Variants in AP1G1 observed in about 807,000 individuals in gnomAD.
AP1G1 encodes adaptor related protein complex 1 subunit gamma 1, also known as AP-1 complex subunit gamma-1.
A neutral mutation model predicts 108.3 loss-of-function variants in AP1G1; 7 were observed. The ratio of observed to expected loss-of-function variants is 0.06; its 90% CI spans 0.04 to 0.12. AP1G1 has a LOEUF of 0.12. AP1G1 is among the 10% of genes least tolerant of loss of function. AP1G1 has a pLI of 1.00. For synonymous variants in AP1G1, 379 were observed against 353.5 expected, an observed-to-expected ratio of 1.07 and a Z score of -0.81; for missense variants, 756 against 1,010.7, an observed-to-expected ratio of 0.75 and a Z score of 3.42.
chr16:71,753,380 A>C (rs1465899189), intron 13 of AP1G1, among the ~76,000 whole-genome samples: 1 of 152,212 alleles, frequency 6.6e-6, no homozygotes, highest in Admixed American at 6.5e-5. Context: ...GGCTCCGCTT[A>C]TGTCTCTGAC....
intron 2 of AP1G1, among the ~76,000 whole-genome samples, chr16:71,781,331 T>C (rs1400576568): frequency 6.6e-6 from 1 of 152,220 alleles, no homozygotes; most frequent in African/African-American, 2.4e-5. Context: ...ATTTTTTCTT[T>C]TGAGAAAATT....
chr16:71,808,233 G>A, intron 1 of AP1G1: 1 of 1,084,268 alleles, frequency 9.2e-7, no homozygotes, highest in East Asian at 7.3e-5. Context: ...CGAAAAATTG[G>A]GAAAGAAGTT....
chr16:71,749,757 C>G, intron 15 of AP1G1, 137 bp downstream of exon 15: 1 of 710,892 alleles, frequency 1.4e-6, no homozygotes, highest in Admixed American at 2.1e-5. Context: ...TCCCAAAGCG[C>G]TGGGATTATA....
intron 6 of AP1G1, chr16:71,767,913 C>A (rs1162812155): frequency 6.3e-7 from 1 of 1,598,040 alleles, no homozygotes; most frequent in Admixed American, 1.7e-5. Flanking sequence ...TCCAAACAGA[C>A]AACAGGAACA....
rs2031231218 is a variant in AP1G1 at position 71,764,458 on chromosome 16, C to T, written c.820-10G>A. ...CAGTATTAGTGGCAACCTGAAAAGA[C>T]ATATCGAGGGCAGTACATAAGTGAT... is the stretch of plus-strand genomic sequence containing the variant. On this transcript the variant is annotated splice_polypyrimidine_tract_variant and intron_variant, in intron 8 of 22. Coordinates refer to ENST00000299980, the MANE Select transcript of AP1G1 (RefSeq NM_001128.6). The T allele has an allele frequency of 1.9e-6, 3 of 1,551,860 alleles. No homozygotes were observed. In the South Asian group the frequency reaches 3.4e-5, roughly 18 times the overall value.
intron 2 of AP1G1, among the ~76,000 whole-genome samples, chr16:71,779,951 T>C (rs1290822770): frequency 1.3e-5 from 2 of 151,294 alleles, no homozygotes; most frequent in African/African-American, 2.4e-5. Flanking sequence ...AGACCCCATC[T>C]CTACAAAATT....
chr16:71,744,115 G>A (rs1035009568), intron 19 of AP1G1, among the ~76,000 whole-genome samples: 8 of 151,700 alleles, frequency 5.3e-5, no homozygotes, highest in South Asian at 4.2e-4. Context: ...ATGGTGGTGC[G>A]TGCCTGTGAT....
chr16:71,769,401 T>C, intron 6 of AP1G1: 2 of 496,850 alleles, frequency 4.0e-6, no homozygotes, highest in Non-Finnish European at 7.4e-6. Flanking sequence ...CTGCCAACAA[T>C]GAGAGAAGAC....
chr16:71,808,480 G>A (rs1157618526), intron 1 of AP1G1: 4 of 1,238,264 alleles, frequency 3.2e-6, no homozygotes, highest in South Asian at 2.6e-5. Flanking sequence ...GCCTGAGAAA[G>A]TCAAGGGTTC....
chr16:71,748,103 G>A (rs2030280008), intron 16 of AP1G1, 148 bp downstream of exon 16: 1 of 799,272 alleles, frequency 1.3e-6, no homozygotes, highest in East Asian at 2.7e-5. Context: ...CACTGTGACT[G>A]TGGAGAAATA....
intron 11 of AP1G1, chr16:71,758,512 A>T (rs755603466): frequency 7.1e-6 from 4 of 561,784 alleles, no homozygotes; most frequent in African/African-American, 1.9e-5. Flanking sequence ...CACTAGGTAA[A>T]CTTTTGCCTA....
rs11539980 is a variant in AP1G1 at position 71,731,513 on chromosome 16, G to C, written c.*1545C>G. On this transcript the variant is annotated 3_prime_UTR_variant, in exon 23 of 23. Transcript: ENST00000299980. ...CAATACAGTAACAATTGCAAACATT[G>C]TAAGAGCAAGGTGGGCCTCACTTTT... 1 of 151,666 alleles carries C rather than the reference G, an allele frequency of 6.6e-6. No individual in the cohort carries two copies. The highest frequency in any genetic ancestry group is 2.4e-5 in the African/African-American group (1 of 41,348). 9.4% of individuals were successfully genotyped at this position (151,666 alleles called of 1,614,324 possible). A position where few individuals can be genotyped will look rare whatever the true frequency, so the allele number is the denominator to read the frequency against.
intron 5 of AP1G1, among the ~76,000 whole-genome samples, chr16:71,770,071 G>A (rs8062477): frequency 0.34 from 51,877 of 151,988 alleles, 9,657 homozygotes; most frequent in East Asian, 0.76. Context: ...GATAATTCAA[G>A]AGGCAAAAAT....
chr16:71,788,071 G>A (rs1028936157), intron 2 of AP1G1, among the ~76,000 whole-genome samples: 1 of 151,966 alleles, frequency 6.6e-6, no homozygotes, highest in African/African-American at 2.4e-5. Context: ...TAAAGATGTT[G>A]ACCCCACTCC....
intron 3 of AP1G1, 132 bp downstream of exon 3, chr16:71,774,336 G>A: frequency 2.3e-6 from 2 of 885,964 alleles, no homozygotes; most frequent in Non-Finnish European, 3.4e-6. Context: ...TGGCAGCGGA[G>A]GAGGATGCAG....
At chr16:71,799,720 G>A (rs2032715419) in intron 1 of AP1G1, among the ~76,000 whole-genome samples, 1 of 151,666 alleles carries the variant, frequency 6.6e-6, no homozygotes, top group African/African-American at 2.4e-5. Context: ...CTAACATGGT[G>A]AAACCCAATT....
chr16:71,750,517 C>T (rs1327706273), intron 13 of AP1G1, 185 bp from the exon 14 acceptor site: 23 of 543,778 alleles, frequency 4.2e-5, no homozygotes, highest in Non-Finnish European at 5.1e-5. Context: ...CAGGTTCAAG[C>T]GATTCTCATG....
At chr16:71,771,530 A>T (rs1352585851) in intron 4 of AP1G1, among the ~76,000 whole-genome samples, 4 of 152,206 alleles carry the variant, frequency 2.6e-5, no homozygotes, top group Non-Finnish European at 5.9e-5. Context: ...TATTTAAAAA[A>T]AATTAAGAGG....
chr16:71,748,319 G>T lies in AP1G1; in HGVS notation c.1557C>A (p.Thr519=). The change falls in exon 16 of 23, where the codon ACC becomes ACA. Residue 519 remains threonine (T), a synonymous_variant. Coordinates refer to ENST00000299980, the MANE Select transcript of AP1G1 (RefSeq NM_001128.6). ...TGAGGGCATAACCTCGTGTCACAGA[G>T]GTGGACATATTAGAGATTAGGACAC... ...LESVLISNMS[T]SVTRGYALTA... is the part of the protein sequence containing the mutation. 1 of 1,613,714 alleles carries T rather than the reference G, an allele frequency of 6.2e-7. No homozygotes were observed. The highest frequency in any genetic ancestry group is 8.5e-7 in the Non-Finnish European group (1 of 1,179,704).
Sources: gnomAD v4.1 joint callset for allele counts (sites outside exome capture counted in the v4.1 genomes callset) on GRCh38, gnomAD v4.1.1 for gene constraint, MANE v1.5 for transcripts, NCBI Gene and HGNC (gene_info 2026-07-23, HGNC 2026-07-21) for gene names.